NUDCD1: variants seen among roughly 807,000 people sequenced by gnomAD.
NUDCD1 encodes the protein nudC domain-containing protein 1.
A neutral mutation model predicts 67.8 loss-of-function variants in NUDCD1; 60 were observed. The ratio of observed to expected loss-of-function variants is 0.88; its 90% CI spans 0.72 to 1.10. The LOEUF is 1.10. Among genes scored for constraint, NUDCD1 ranks in the 50% least tolerant of loss-of-function variants. The pLI, the probability that NUDCD1 is intolerant of heterozygous loss-of-function variation, is 0.00. For synonymous variants in NUDCD1, 244 were observed against 230.8 expected (o/e 1.06, Z -0.52); for missense variants, 643 against 695.0 (o/e 0.93, Z 0.84).
chr8:109,289,921 T>C lies in NUDCD1; in HGVS notation c.653A>G (p.Tyr218Cys), dbSNP rs866605387. 4 of 1,470,220 alleles carry C rather than the reference T, an allele frequency of 2.7e-6. No individual in the cohort carries two copies. Among genetic ancestry groups the C allele is most frequent in the Middle Eastern group, 3.5e-4 (2 of 5,734 alleles). 91.1% of individuals were successfully genotyped at this position (1,470,220 alleles called of 1,614,324 possible). The change falls in exon 5 of 10, where the codon TAT becomes TGT. Residue 218 changes from tyrosine to cysteine, a missense_variant. Coordinates refer to ENST00000239690, the MANE Select transcript of NUDCD1 (RefSeq NM_032869.4). ...ISKKNQDNKK[Y>C]EIIKRDILRG... The stretch of plus-strand genomic sequence containing the variant: ...GAGAATATCACGCTTAATAATTTCA[T>C]ATTTTTTATTATCTGTAAGAAAAGT...
At chr8:109,273,991 C>G (rs1021344244) in intron 7 of NUDCD1, among the ~76,000 whole-genome samples, 8 of 152,064 alleles carry the variant, frequency 5.3e-5, no homozygotes, top group African/African-American at 1.7e-4. Flanking sequence ...ACGGGCTTAT[C>G]CCACCAATGC....
chr8:109,312,255 C>T (rs370270694), intron 2 of NUDCD1, among the ~76,000 whole-genome samples: 2 of 138,408 alleles, frequency 1.4e-5, no homozygotes, highest in Non-Finnish European at 3.0e-5. Context: ...GAGCTGAAAT[C>T]GCACCACTGC....
intron 5 of NUDCD1, among the ~76,000 whole-genome samples, chr8:109,281,381 G>A (rs1814434652): frequency 6.6e-6 from 1 of 152,074 alleles, no homozygotes; most frequent in South Asian, 2.1e-4. Flanking sequence ...AGACTTACCT[G>A]ATGCTTGAGG....
intron 6 of NUDCD1, 122 bp from the exon 7 acceptor site, chr8:109,275,618 T>C (rs1586269985): frequency 1.2e-6 from 1 of 862,138 alleles, no homozygotes; most frequent in Non-Finnish European, 1.7e-6. Flanking sequence ...CAGAGGATGG[T>C]TTACCAAAAA....
intron 2 of NUDCD1, among the ~76,000 whole-genome samples, chr8:109,310,499 C>T (rs1815216716): frequency 6.6e-6 from 1 of 152,266 alleles, no homozygotes; most frequent in Admixed American, 6.5e-5. Context: ...AAATCTAAGA[C>T]CTGAAACTAA....
At chr8:109,312,298 CAAAAAA>C (rs5893951) in intron 2 of NUDCD1, among the ~76,000 whole-genome samples, 16 of 82,610 alleles carry the variant, frequency 1.9e-4, no homozygotes, top group Non-Finnish European at 3.5e-4. Context: ...GAGACACTGT[CAAAAAA>C]AAAAAAAAAA....
rs928558587 is a variant in NUDCD1, at chr8:109,314,917, G to C, written c.273+7392C>G. 2.1e-4 allele frequency among the ~76,000 whole-genome samples: 32 copies of C among 152,086 alleles called. 1 individual carries two copies. Among genetic ancestry groups the C allele is most frequent in the Admixed American group, 2.1e-3 (32 of 15,270 alleles). ...ACGAAGTAGTTTTCTAATAAATATA[G>C]ATTTATAGAAAGGGCTACTCAAGTT... is the stretch of plus-strand genomic sequence containing the variant. On this transcript the variant is annotated intron_variant, in intron 2 of 9. Transcript: ENST00000239690.
rs181757439 is a variant in NUDCD1 at position 109,276,640 on chromosome 8, A to G, written c.1029-1144T>C. The stretch of plus-strand genomic sequence containing the variant: ...TAGCACTGAAAATTACTCCCACAAT[A>G]AAAGCCCAGATTTAGTTACATCTTT... On this transcript the variant is annotated intron_variant, in intron 6 of 9. Transcript: ENST00000239690. Among the ~76,000 whole-genome samples the G allele has an allele frequency of 8.5e-5, 13 of 152,272 alleles. No individual in the cohort carries two copies. The East Asian group carries it at 2.5e-3, about 29-fold the overall frequency.
intron 6 of NUDCD1, among the ~76,000 whole-genome samples, chr8:109,278,540 C>T (rs1814351334): frequency 6.6e-6 from 1 of 152,032 alleles, no homozygotes; most frequent in African/African-American, 2.4e-5. Context: ...ACAGGCAGTT[C>T]CCTTGGCCTT....
chr8:109,326,385 T>C (rs1222023764), intron 1 of NUDCD1, among the ~76,000 whole-genome samples: 1 of 152,160 alleles, frequency 6.6e-6, no homozygotes, highest in Admixed American at 6.5e-5. Flanking sequence ...ATCTTGATTA[T>C]AAAAGTGGGA....
intron 4 of NUDCD1, among the ~76,000 whole-genome samples, chr8:109,291,085 G>A (rs1165477302): frequency 1.3e-5 from 2 of 152,156 alleles, no homozygotes; most frequent in African/African-American, 4.8e-5. Flanking sequence ...GGACAGAAAA[G>A]AATAGGAAGC....
At chr8:109,315,906 C>T (rs1192770376) in intron 2 of NUDCD1, 2 of 152,164 alleles carry the variant, frequency 1.3e-5, no homozygotes, top group Non-Finnish European at 2.9e-5. Flanking sequence ...TGACATAAAA[C>T]TGAGCTCCTC....
At chr8:109,286,499 T>C (rs898269200) in intron 5 of NUDCD1, among the ~76,000 whole-genome samples, 1 of 152,038 alleles carries the variant, frequency 6.6e-6, no homozygotes, top group Non-Finnish European at 1.5e-5. Flanking sequence ...CTGACAATCT[T>C]TGATAAAGGC....
chr8:109,268,577 T>A (rs1042202517), intron 8 of NUDCD1, among the ~76,000 whole-genome samples: 1 of 152,208 alleles, frequency 6.6e-6, no homozygotes, highest in African/African-American at 2.4e-5. Context: ...AGTACTAAGA[T>A]GAACTGAAAT....
intron 8 of NUDCD1, among the ~76,000 whole-genome samples, chr8:109,256,598 T>C (rs1813745369): frequency 6.6e-6 from 1 of 152,130 alleles, no homozygotes; most frequent in South Asian, 2.1e-4. Flanking sequence ...AATGACATAA[T>C]CTACTAAATC....
chr8:109,279,896 T>C (rs1814391931), intron 6 of NUDCD1, among the ~76,000 whole-genome samples: 1 of 152,150 alleles, frequency 6.6e-6, no homozygotes, highest in African/African-American at 2.4e-5. Context: ...CCTCCCAAAG[T>C]GCTGGGATTA....
intron 1 of NUDCD1, among the ~76,000 whole-genome samples, chr8:109,333,551 G>A (rs1465901041): frequency 6.6e-6 from 1 of 152,194 alleles, no homozygotes; most frequent in Non-Finnish European, 1.5e-5. Flanking sequence ...CAGGAGGAAG[G>A]AATGTTCTCA....
chr8:109,269,816 C>T (rs1031103091), intron 8 of NUDCD1, among the ~76,000 whole-genome samples: 1 of 151,544 alleles, frequency 6.6e-6, no homozygotes, highest in Non-Finnish European at 1.5e-5. Context: ...TCTATATGCA[C>T]AGCTCTAAAT....
At chr8:109,298,490 C>G (rs771924810) in intron 2 of NUDCD1, 3 of 152,036 alleles carry the variant, frequency 2.0e-5, no homozygotes, top group Non-Finnish European at 4.4e-5. Context: ...TCCCTCATAT[C>G]GTAAACAAAA....
Sources: gnomAD v4.1 joint callset for allele counts (sites outside exome capture counted in the v4.1 genomes callset) on GRCh38, gnomAD v4.1.1 for gene constraint, MANE v1.5 for transcripts, NCBI Gene and HGNC (gene_info 2026-07-23, HGNC 2026-07-21) for gene names.